The following SP140 variants were observed in gnomAD, a reference collection of about 807,000 sequenced individuals.
SP140 encodes nuclear body protein SP140.
A neutral mutation model predicts 125.0 loss-of-function variants in SP140; 81 were observed. That is an observed-to-expected ratio of 0.65 (90% confidence interval 0.54 to 0.78). The LOEUF (loss-of-function observed/expected upper bound fraction) is 0.78, where lower values mean the gene tolerates loss of function less well. SP140 is among the 30% of genes least tolerant of loss of function. The probability of loss-of-function intolerance (pLI) is 0.00; values close to 1 mark genes in which losing one functional copy is unlikely to be tolerated. For missense variants in SP140, 858 were observed against 1,037.0 expected (o/e 0.83, Z 2.37); for synonymous variants, 312 against 354.0 (o/e 0.88, Z 1.33).
the SP140 span, among the ~76,000 whole-genome samples, chr2:230,195,400 TCTC>T: frequency 6.6e-6 from 1 of 152,110 alleles, no homozygotes; most frequent in Non-Finnish European, 1.5e-5. Context: ...AGTGGCATAA[TCTC>T]AGCTCACTGC....
chr2:230,292,887 C>T (rs1275805556), intron 20 of SP140, 99 bp downstream of exon 20: 10 of 1,538,470 alleles, frequency 6.5e-6, no homozygotes, highest in African/African-American at 1.4e-5. Context: ...ATAGCTAAAG[C>T]CTTGATGCCA....
intron 19 of SP140, 72 bp from the exon 20 acceptor site, chr2:230,292,574 G>C (rs982995670): frequency 1.3e-6 from 2 of 1,593,124 alleles, no homozygotes; most frequent in African/African-American, 2.7e-5. Context: ...TCTAGATCCA[G>C]TGTGGTGAGT....
At position 230,311,098 on chromosome 2, in the gene SP140, C is replaced by T. The variant is rs545831658; in HGVS notation, c.2284-56C>T. The T allele has an allele frequency of 3.3e-4, 527 of 1,610,242 alleles. 2 individuals are homozygous for T. The South Asian group carries it at 5.4e-3, about 16-fold the overall frequency. On this transcript the variant is annotated intron_variant, in intron 24 of 26. Coordinates refer to ENST00000392045, the MANE Select transcript of SP140 (RefSeq NM_007237.5). ...TGTGAGTTCTGTGCTGTGTCTCATG[C>T]ATGTGGGCTCATTCTCTCCAAGCTG... is the stretch of plus-strand genomic sequence containing the variant.
chr2:230,238,424 TC>T, intron 3 of SP140, 43 bp downstream of exon 3: 1 of 1,533,878 alleles, frequency 6.5e-7, no homozygotes, highest in South Asian at 1.2e-5. Context: ...CAAGCCCATT[TC>T]ATTCATTGAT....
At chr2:230,253,909 G>A (rs192364468) in intron 11 of SP140, among the ~76,000 whole-genome samples, 8 of 152,258 alleles carry the variant, frequency 5.3e-5, no homozygotes, top group East Asian at 3.9e-4. Flanking sequence ...CAGCCCCTGC[G>A]TAAACGGAAG....
intron 1 of SP140, among the ~76,000 whole-genome samples, chr2:230,207,594 C>T (rs1281784005): frequency 6.6e-6 from 1 of 152,134 alleles, no homozygotes; most frequent in Non-Finnish European, 1.5e-5. Context: ...TGGGCATTAC[C>T]ACTTACTTGT....
intron 22 of SP140, among the ~76,000 whole-genome samples, chr2:230,301,054 A>T (rs1023787973): frequency 6.6e-6 from 1 of 152,208 alleles, no homozygotes. Flanking sequence ...AGAATGAACT[A>T]CAGAACTCGA....
At position 230,237,057 on chromosome 2, in the gene SP140, T is replaced by G; in HGVS notation, c.60-26T>G. On this transcript the variant is annotated intron_variant, in intron 1 of 26. Transcript: ENST00000392045. The surrounding 1 kb of genome is among the most constrained non-coding windows in gnomAD (Gnocchi z 5.4). The stretch of plus-strand genomic sequence containing the variant: ...AACCTCTTGGAAACTCAGTGTCTAC[T>G]TCCACGTTGTATCTTTGTTTCTTAG... 6.5e-7 allele frequency: 1 copy of G among 1,538,982 alleles called. No homozygotes were observed. The highest frequency in any genetic ancestry group is 8.7e-7 in the Non-Finnish European group (1 of 1,145,174).
At chr2:230,298,028 T>A (rs554032485) in intron 22 of SP140, among the ~76,000 whole-genome samples, 38 of 152,262 alleles carry the variant, frequency 2.5e-4, no homozygotes, top group African/African-American at 9.1e-4. Context: ...TTTGGATGGT[T>A]TCAGGGAAGC....
chr2:230,230,760 A>G (rs1044464762), intron 1 of SP140, among the ~76,000 whole-genome samples: 1 of 152,152 alleles, frequency 6.6e-6, no homozygotes, highest in African/African-American at 2.4e-5. Flanking sequence ...TTGGTGTTTG[A>G]TGAGTTTCCT....
intron 22 of SP140, among the ~76,000 whole-genome samples, chr2:230,309,361 G>A (rs2059117899): frequency 6.6e-6 from 1 of 152,130 alleles, no homozygotes; most frequent in Admixed American, 6.5e-5. Context: ...GGCCCACCTG[G>A]TCATCTCCAC....
chr2:230,204,170 C>A (rs138082496), intron 1 of SP140, among the ~76,000 whole-genome samples: 2 of 152,316 alleles, frequency 1.3e-5, no homozygotes, highest in African/African-American at 4.8e-5. Context: ...CTACTCCTTT[C>A]GGTAGCTTGG....
the SP140 span, among the ~76,000 whole-genome samples, chr2:230,197,217 T>C: frequency 6.6e-6 from 1 of 150,642 alleles, no homozygotes; most frequent in South Asian, 2.1e-4. Context: ...GTTTCCTGAC[T>C]TTTTAATGAT....
At chr2:230,200,923 G>A (rs746736624), upstream of SP140, 5 of 1,613,816 alleles carry the variant, frequency 3.1e-6, no homozygotes, top group Admixed American at 1.7e-5. Flanking sequence ...CGTCTTCTGG[G>A]ACCTCTTTCC....
intron 22 of SP140, among the ~76,000 whole-genome samples, chr2:230,301,725 G>GA (rs542543895): frequency 4.6e-5 from 7 of 151,660 alleles, no homozygotes; most frequent in Admixed American, 1.3e-4. Flanking sequence ...ATAACACAAT[G>GA]AAAAAAATAA....
upstream of SP140, among the ~76,000 whole-genome samples, chr2:230,198,730 G>A (rs962847763): frequency 2.6e-5 from 4 of 152,080 alleles, no homozygotes; most frequent in Non-Finnish European, 5.9e-5. Context: ...GAGTAGCTGG[G>A]ATTACAGGTG....
intron 15 of SP140, among the ~76,000 whole-genome samples, chr2:230,278,563 G>A (rs975651187): frequency 1.3e-5 from 2 of 151,974 alleles, no homozygotes; most frequent in African/African-American, 4.8e-5. Context: ...CATATCTAAA[G>A]AATAATTGCC....
upstream of SP140, among the ~76,000 whole-genome samples, chr2:230,223,122 C>T (rs1345147168): frequency 1.3e-5 from 2 of 151,740 alleles, no homozygotes; most frequent in African/African-American, 2.4e-5. Flanking sequence ...CTGCAACCTC[C>T]GCCTCCCAGG....
Position 230,297,464 on chromosome 2 carries a change from T to G in SP140, c.2058+2T>G. ...AACAATAGCTCAGTTGACCCTTGTG[T>G]AAGTACAAATTCTGAACTACGACCC... On this transcript the variant is annotated splice_donor_variant, in intron 22 of 26. Transcript: ENST00000392045. LOFTEE classifies it high-confidence loss of function. 1 of 1,613,870 alleles carries G rather than the reference T, an allele frequency of 6.2e-7. No individual in the cohort carries two copies. Among genetic ancestry groups the G allele is most frequent in the South Asian group, 1.1e-5 (1 of 91,062 alleles).
Sources: gnomAD v4.1 joint callset for allele counts (sites outside exome capture counted in the v4.1 genomes callset) on GRCh38, gnomAD v4.1.1 for gene constraint, Gnocchi (gnomAD v3.1) non-coding constraint, MANE v1.5 for transcripts, NCBI Gene and HGNC (gene_info 2026-07-23, HGNC 2026-07-21) for gene names.